Variants in LRRC4C observed in about 807,000 individuals in gnomAD.
LRRC4C encodes leucine-rich repeat-containing protein 4C.
LRRC4C carries 5 observed loss-of-function variants against 33.6 expected under a neutral mutation model. The observed-to-expected ratio is 0.15, with a 90% CI of 0.08 to 0.31. The LOEUF (loss-of-function observed/expected upper bound fraction) is 0.31. LRRC4C is among the 10% of genes least tolerant of loss of function. The pLI, the probability that LRRC4C is intolerant of heterozygous loss-of-function variation, is 1.00. For synonymous variants in LRRC4C, 329 were observed against 302.0 expected, an observed-to-expected ratio of 1.09 and a Z score of -0.93; for missense variants, 560 against 796.7, an observed-to-expected ratio of 0.70 and a Z score of 3.58.
intron 1 of LRRC4C, among the ~76,000 whole-genome samples, chr11:41,377,339 T>A (rs1384309571): frequency 1.3e-5 from 2 of 152,182 alleles, no homozygotes; most frequent in South Asian, 4.1e-4. Context: ...TCTCAACCGC[T>A]AACATGAGGT....
chr11:40,413,316 T>C (rs184932776), intron 3 of LRRC4C, among the ~76,000 whole-genome samples: 55 of 152,150 alleles, frequency 3.6e-4, no homozygotes, highest in African/African-American at 1.2e-3. Context: ...GAGGATACAA[T>C]GCATTCACAC....
At chr11:40,542,665 T>C (rs537366963) in intron 3 of LRRC4C, among the ~76,000 whole-genome samples, 25 of 152,178 alleles carry the variant, frequency 1.6e-4, no homozygotes, top group African/African-American at 5.5e-4. Flanking sequence ...CTGGCTCACT[T>C]GATCACTTGC....
chr11:40,426,880 C>T (rs547560782), intron 3 of LRRC4C, among the ~76,000 whole-genome samples: 1 of 152,274 alleles, frequency 6.6e-6, no homozygotes, highest in African/African-American at 2.4e-5. Flanking sequence ...TGACTCAAAT[C>T]TCACTCCATT....
At chr11:40,473,629 AG>A (rs1207262917) in intron 3 of LRRC4C, among the ~76,000 whole-genome samples, 3 of 152,300 alleles carry the variant, frequency 2.0e-5, no homozygotes, top group East Asian at 1.9e-4. Flanking sequence ...AAAGAAATAA[AG>A]GGTACTCAAA....
chr11:40,472,735 G>A (rs1262310481), intron 3 of LRRC4C, among the ~76,000 whole-genome samples: 1 of 151,814 alleles, frequency 6.6e-6, no homozygotes, highest in East Asian at 1.9e-4. Flanking sequence ...AGAAAAGATA[G>A]TATAATCAAA....
At chr11:40,176,986 T>G (rs1348756395) in intron 5 of LRRC4C, among the ~76,000 whole-genome samples, 1 of 126,284 alleles carries the variant, frequency 7.9e-6, no homozygotes, top group Non-Finnish European at 1.6e-5. Context: ...CAGGCTGGAG[T>G]GCAGTGGTGT....
chr11:40,452,408 C>G (rs1951930936), intron 3 of LRRC4C, among the ~76,000 whole-genome samples: 1 of 152,324 alleles, frequency 6.6e-6, no homozygotes, highest in East Asian at 1.9e-4. Flanking sequence ...GACATTTATG[C>G]AGCCAAAAGA....
At chr11:41,040,445 C>T (rs1019046233) in intron 1 of LRRC4C, among the ~76,000 whole-genome samples, 3 of 152,080 alleles carry the variant, frequency 2.0e-5, no homozygotes, top group Admixed American at 1.3e-4. Context: ...CAACATTGAC[C>T]GAGATTTTAC....
At chr11:40,811,344 A>G (rs1951479386) in intron 2 of LRRC4C, among the ~76,000 whole-genome samples, 1 of 152,126 alleles carries the variant, frequency 6.6e-6, no homozygotes, top group South Asian at 2.1e-4. Flanking sequence ...AGCTTATTAT[A>G]TTTAATAACT....
chr11:40,166,449 G>C (rs528390274), intron 5 of LRRC4C, among the ~76,000 whole-genome samples: 1 of 152,056 alleles, frequency 6.6e-6, no homozygotes, highest in Admixed American at 6.6e-5. Flanking sequence ...CTTGAGGAGC[G>C]GGCAGTTACT....
At chr11:41,266,669 C>A (rs1022049346) in intron 1 of LRRC4C, among the ~76,000 whole-genome samples, 3 of 152,098 alleles carry the variant, frequency 2.0e-5, no homozygotes, top group Non-Finnish European at 4.4e-5. Flanking sequence ...AAAGCTTTAT[C>A]TTGATTTTAA....
At chr11:41,105,333 T>C (rs1012380596) in intron 1 of LRRC4C, among the ~76,000 whole-genome samples, 10 of 152,058 alleles carry the variant, frequency 6.6e-5, no homozygotes, top group African/African-American at 2.4e-4. Context: ...AAAATTCTAC[T>C]GCACATCAAA....
intron 3 of LRRC4C, among the ~76,000 whole-genome samples, chr11:40,345,152 G>C (rs541319405): frequency 1.3e-5 from 2 of 152,062 alleles, no homozygotes; most frequent in African/African-American, 4.8e-5. Context: ...TCAATGCCAT[G>C]CTATCAAACT....
chr11:40,988,261 C>T (rs781403378), intron 1 of LRRC4C, among the ~76,000 whole-genome samples: 8 of 152,172 alleles, frequency 5.3e-5, no homozygotes, highest in Non-Finnish European at 8.8e-5. Context: ...GGTCCCAGCT[C>T]CACAATGAAC....
chr11:40,288,457 G>A (rs539038112), intron 4 of LRRC4C, among the ~76,000 whole-genome samples: 1 of 152,142 alleles, frequency 6.6e-6, no homozygotes, highest in African/African-American at 2.4e-5. Context: ...CCACAGATGA[G>A]ACATTAAGAA....
chr11:40,614,726 G>A (rs1034645199), intron 3 of LRRC4C, among the ~76,000 whole-genome samples: 1 of 151,548 alleles, frequency 6.6e-6, no homozygotes, highest in Non-Finnish European at 1.5e-5. Flanking sequence ...AACACTTAGA[G>A]GTCACTGTAG....
intron 2 of LRRC4C, among the ~76,000 whole-genome samples, chr11:40,822,268 G>A (rs1401786483): frequency 1.3e-5 from 2 of 150,842 alleles, no homozygotes; most frequent in East Asian, 1.9e-4. Flanking sequence ...TTCTGTGCCT[G>A]ACATATTTCA....
chr11:41,426,317 A>T (rs1955041882), intron 1 of LRRC4C: 1 of 152,152 alleles, frequency 6.6e-6, no homozygotes, highest in Non-Finnish European at 1.5e-5. Flanking sequence ...TGCTTCCATG[A>T]TCTGGCATCC....
At chr11:40,599,981 G>A (rs899160610) in intron 3 of LRRC4C, among the ~76,000 whole-genome samples, 2 of 152,154 alleles carry the variant, frequency 1.3e-5, no homozygotes, top group African/African-American at 2.4e-5. Flanking sequence ...ATTTCCTATA[G>A]GCATAATCTT....
Sources: gnomAD v4.1 joint callset for allele counts (sites outside exome capture counted in the v4.1 genomes callset) on GRCh38, gnomAD v4.1.1 for gene constraint, MANE v1.5 for transcripts, NCBI Gene and HGNC (gene_info 2026-07-23, HGNC 2026-07-21) for gene names.